The following CSMD3 variants were observed in gnomAD, a reference collection of about 807,000 sequenced individuals.
CSMD3 encodes the protein CUB and sushi domain-containing protein 3.
A neutral mutation model predicts 435.2 loss-of-function variants in CSMD3; 177 were observed. The ratio of observed to expected loss-of-function variants is 0.41; its 90% CI spans 0.36 to 0.46. The LOEUF (loss-of-function observed/expected upper bound fraction) is 0.46. Ranked by LOEUF, CSMD3 falls within the 20% of genes least tolerant of loss-of-function variation. The probability of loss-of-function intolerance (pLI) is 0.34; values close to 1 mark genes in which losing one functional copy is unlikely to be tolerated. For synonymous variants in CSMD3, 1,656 were observed against 1,520.5 expected (o/e 1.09, Z -2.07); for missense variants, 4,265 against 4,504.6 (o/e 0.95, Z 1.52).
intron 9 of CSMD3, among the ~76,000 whole-genome samples, chr8:112,945,624 GTA>G (rs775420536): frequency 3.2e-4 from 47 of 145,772 alleles, no homozygotes; most frequent in South Asian, 6.5e-4. Flanking sequence ...GTGTGTGTGT[GTA>G]TAATATTCTG....
intron 13 of CSMD3, among the ~76,000 whole-genome samples, chr8:112,697,072 A>T (rs1393710981): frequency 6.6e-6 from 1 of 150,514 alleles, no homozygotes; most frequent in Non-Finnish European, 1.5e-5. Context: ...AAAAGTCAGG[A>T]AACAACAGGT....
chr8:112,970,957 G>A (rs1297761895), intron 7 of CSMD3, among the ~76,000 whole-genome samples: 3 of 152,018 alleles, frequency 2.0e-5, no homozygotes, highest in Admixed American at 6.5e-5. Flanking sequence ...TACTGACCTC[G>A]TTATTCACCC....
intron 38 of CSMD3, among the ~76,000 whole-genome samples, chr8:112,374,303 A>G (rs929839476): frequency 1.3e-5 from 2 of 152,110 alleles, no homozygotes; most frequent in African/African-American, 4.8e-5. Context: ...TCTCTTTATC[A>G]GTCCCTCTCC....
intron 27 of CSMD3, among the ~76,000 whole-genome samples, chr8:112,537,545 G>A (rs1479305908): frequency 3.3e-5 from 5 of 151,772 alleles, no homozygotes; most frequent in African/African-American, 1.2e-4. Context: ...CAAAAAATGA[G>A]ACATTAAAAC....
chr8:113,136,203 A>G (rs1166768416), intron 4 of CSMD3, among the ~76,000 whole-genome samples: 1 of 151,812 alleles, frequency 6.6e-6, no homozygotes, highest in Non-Finnish European at 1.5e-5. Flanking sequence ...GAGATGCTAA[A>G]AAGTTTTCTG....
chr8:113,174,112 A>G (rs1334137308), intron 3 of CSMD3, among the ~76,000 whole-genome samples, 196 bp from the exon 4 acceptor site: 1 of 152,182 alleles, frequency 6.6e-6, no homozygotes, highest in Non-Finnish European at 1.5e-5. Flanking sequence ...CAGAGGTATT[A>G]TTGGTCATTC....
intron 13 of CSMD3, among the ~76,000 whole-genome samples, chr8:112,768,922 C>T (rs148919802): frequency 1.3e-5 from 2 of 151,954 alleles, no homozygotes; most frequent in East Asian, 3.9e-4. Context: ...TAGCATTTGG[C>T]ACAATAGATC....
intron 11 of CSMD3, 124 bp from the exon 12 acceptor site, chr8:112,829,913 ACACACACAC>A: frequency 1.6e-6 from 1 of 640,708 alleles, no homozygotes; most frequent in South Asian, 1.8e-5. Context: ...ACACACACAC[ACACACACAC>A]ACACAAGCAG....
chr8:112,694,760 G>A (rs528267952), intron 13 of CSMD3, among the ~76,000 whole-genome samples: 2 of 152,142 alleles, frequency 1.3e-5, no homozygotes, highest in Non-Finnish European at 2.9e-5. Context: ...TGCTATTGTG[G>A]AGAACTTTTC....
In CSMD3 at chr8:112,352,483, T is replaced by G. The variant is rs1159642565; in HGVS notation, c.6188A>C (p.Lys2063Thr). 1 of 1,613,696 alleles carries G rather than the reference T, an allele frequency of 6.2e-7. No homozygotes were observed. The highest frequency in any genetic ancestry group is 1.1e-5 in the South Asian group (1 of 91,078). Residue 2063 changes from lysine (K) to threonine (T), a missense_variant, in exon 39 of 71, where the codon AAA (lysine) becomes ACA (threonine). Lys to Thr is a moderately conservative substitution (Grantham distance 78, BLOSUM62 -1). Around this residue, in one of 3 missense-constraint regions of CSMD3, gnomAD observed 3,255 missense variants for 3,380.2 expected, o/e 0.96. Coordinates refer to ENST00000297405, the MANE Select transcript of CSMD3 (RefSeq NM_198123.2). ...TCCAACCATATATCTGTCTCCAATT[T>G]TAATTCCACTGCTAGGAGTTTGTGG... Reference protein sequence around the residue: ...PEPQTPSSGIKIGDRYMVGDV... With the variant: ...PEPQTPSSGITIGDRYMVGDV...
intron 1 of CSMD3, among the ~76,000 whole-genome samples, chr8:113,418,114 A>G (rs1237329464): frequency 3.3e-5 from 5 of 152,128 alleles, no homozygotes; most frequent in African/African-American, 1.2e-4. Flanking sequence ...CTAAGAACAC[A>G]GACATTGACC....
chr8:112,583,622 T>C (rs759041785), intron 23 of CSMD3, among the ~76,000 whole-genome samples: 2 of 151,958 alleles, frequency 1.3e-5, no homozygotes, highest in Admixed American at 6.6e-5. Flanking sequence ...TTAACCCACT[T>C]ACTATTCCTA....
At chr8:113,083,388 A>T (rs2089639628) in intron 5 of CSMD3, among the ~76,000 whole-genome samples, 1 of 152,046 alleles carries the variant, frequency 6.6e-6, no homozygotes, top group Non-Finnish European at 1.5e-5. Flanking sequence ...ACTACCTAGC[A>T]AAGCTAGGTA....
chr8:113,046,901 G>A (rs952381245), intron 5 of CSMD3, among the ~76,000 whole-genome samples: 3 of 152,204 alleles, frequency 2.0e-5, no homozygotes, highest in African/African-American at 4.8e-5. Flanking sequence ...GGGACATGAT[G>A]CTAAGCAGGT....
At chr8:113,383,171 G>A (rs1371913499) in intron 1 of CSMD3, among the ~76,000 whole-genome samples, 1 of 152,086 alleles carries the variant, frequency 6.6e-6, no homozygotes, top group African/African-American at 2.4e-5. Flanking sequence ...TAAGTCTTAA[G>A]GAGTTCAAGT....
chr8:113,095,334 A>G (rs2090131258), intron 5 of CSMD3, among the ~76,000 whole-genome samples: 1 of 152,072 alleles, frequency 6.6e-6, no homozygotes, highest in African/African-American at 2.4e-5. Context: ...TTTTTAACCT[A>G]TTGTCCCAAC....
At chr8:112,932,054 A>C (rs2083126920) in intron 9 of CSMD3, among the ~76,000 whole-genome samples, 1 of 152,208 alleles carries the variant, frequency 6.6e-6, no homozygotes, top group African/African-American at 2.4e-5. Context: ...TCAAAAAACT[A>C]AAAGTAGAAC....
chr8:112,288,383 T>C (rs1017825257), intron 57 of CSMD3, among the ~76,000 whole-genome samples: 2 of 152,080 alleles, frequency 1.3e-5, no homozygotes, highest in African/African-American at 4.8e-5. Context: ...ATTTTATAGT[T>C]ACATTAAAAA....
intron 2 of CSMD3, among the ~76,000 whole-genome samples, chr8:113,292,258 T>C (rs1057084682): frequency 1.5e-4 from 23 of 151,730 alleles, no homozygotes; most frequent in African/African-American, 5.6e-4. Flanking sequence ...TTATAAGTTA[T>C]TGAATTTCTG....
Sources: gnomAD v4.1 joint callset for allele counts (sites outside exome capture counted in the v4.1 genomes callset) on GRCh38, gnomAD v4.1.1 for gene constraint, gnomAD v4.1.1 regional missense constraint, MANE v1.5 for transcripts, NCBI Gene and HGNC (gene_info 2026-07-23, HGNC 2026-07-21) for gene names.